Variants in TCEA2 observed in about 807,000 individuals in gnomAD.
TCEA2 encodes transcription elongation factor A protein 2.
A neutral mutation model predicts 40.8 loss-of-function variants in TCEA2; 21 were observed. The ratio of observed to expected loss-of-function variants is 0.51; its 90% CI spans 0.36 to 0.74. The LOEUF is 0.74. Ranked by LOEUF, TCEA2 falls within the 30% of genes least tolerant of loss-of-function variation. The pLI is 0.00. For synonymous variants in TCEA2, 165 were observed against 162.7 expected (o/e 1.01, Z -0.11); for missense variants, 326 against 426.5 (o/e 0.76, Z 2.08).
intron 4 of TCEA2, among the ~76,000 whole-genome samples, chr20:64,068,483 A>G (rs944314170): frequency 2.6e-5 from 4 of 152,254 alleles, no homozygotes; most frequent in Non-Finnish European, 5.9e-5. Flanking sequence ...AGCCTCACTC[A>G]ACGACGGTCC....
chr20:64,061,273 T>C (rs972691621), upstream of TCEA2, among the ~76,000 whole-genome samples: 18 of 148,690 alleles, frequency 1.2e-4, no homozygotes, highest in Admixed American at 7.4e-4. Flanking sequence ...GCTAATTTTT[T>C]TTTTGTTGTT....
intron 2 of TCEA2, 76 bp downstream of exon 2, chr20:64,066,614 G>A: frequency 6.5e-7 from 1 of 1,543,526 alleles, no homozygotes; most frequent in Non-Finnish European, 8.9e-7. Context: ...AGGGCACCTG[G>A]CAGGGCTTCC....
chr20:64,058,848 C>T (rs949485620), upstream of TCEA2, among the ~76,000 whole-genome samples: 1 of 152,136 alleles, frequency 6.6e-6, no homozygotes, highest in African/African-American at 2.4e-5. This position sits in a 1 kb window ranked among gnomAD's most constrained non-coding sequence, Gnocchi z 6.7. Context: ...TGGTTCATGG[C>T]CTCGTTCATA....
upstream of TCEA2, among the ~76,000 whole-genome samples, chr20:64,059,433 G>T (rs969277828): frequency 6.6e-6 from 1 of 152,020 alleles, no homozygotes; most frequent in South Asian, 2.1e-4. Flanking sequence ...GCTTGGTAAG[G>T]TTGTTGAGGC....
At chr20:64,068,470 C>A (rs912157016) in intron 4 of TCEA2, among the ~76,000 whole-genome samples, 1 of 152,258 alleles carries the variant, frequency 6.6e-6, no homozygotes, top group Non-Finnish European at 1.5e-5. Flanking sequence ...TGGCTTCCCC[C>A]TCAGCCTCAC....
chr20:64,061,611 A>G (rs961595755), upstream of TCEA2, among the ~76,000 whole-genome samples: 1 of 151,730 alleles, frequency 6.6e-6, no homozygotes, highest in South Asian at 2.1e-4. Context: ...GGGTTTCACC[A>G]TGTTGGCCAG....
At chr20:64,065,052 TGTGCA>T (rs2059656461) in intron 1 of TCEA2, among the ~76,000 whole-genome samples, 1 of 151,594 alleles carries the variant, frequency 6.6e-6, no homozygotes, top group African/African-American at 2.4e-5. Flanking sequence ...AGGCGGGCGC[TGTGCA>T]GTGGGGAGTG....
chr20:64,066,007 G>A (rs2059687020), intron 1 of TCEA2: 1 of 122,356 alleles, frequency 8.2e-6, no homozygotes, highest in Non-Finnish European at 1.7e-5. Flanking sequence ...GGGTGCTTTG[G>A]GGAGAGGCTG....
intron 1 of TCEA2, chr20:64,065,555 C>T (rs6122243): frequency 0.97 from 145,011 of 149,610 alleles, 70,400 homozygotes; most frequent in Non-Finnish European, 1. Flanking sequence ...GGGAGGGAGA[C>T]GTTGTGGGAG....
chr20:64,058,972 C>T (rs1178587246), upstream of TCEA2, among the ~76,000 whole-genome samples: 1 of 152,056 alleles, frequency 6.6e-6, no homozygotes, highest in Non-Finnish European at 1.5e-5. This position sits in a 1 kb window ranked among gnomAD's most constrained non-coding sequence, Gnocchi z 6.7. Context: ...GGGTGGATCA[C>T]CTGAGGTCAG....
Position 64,068,033 on chromosome 20 carries a change from G to A in TCEA2, c.242-14G>A, listed in dbSNP as rs762983188. On this transcript the variant is annotated splice_polypyrimidine_tract_variant and intron_variant, in intron 3 of 9. Transcript: ENST00000343484. ...GCCTCCCCTTGATCAGCCCATCCCC[G>A]ATCTTTCCTGCAGATGCTTCCGATG... 1.2e-5 allele frequency: 19 copies of A among 1,599,314 alleles called. 1 individual carries two copies. Among genetic ancestry groups the A allele is most frequent in the Middle Eastern group, 2.0e-4 (1 of 5,076 alleles).
chr20:64,068,135 G>A lies in TCEA2; in HGVS notation c.329+1G>A. Reference sequence around the variant, plus strand: ...ATGCCTCAGAGGCCCCGGATCCCAGGTAGCACACCTGGAAGGCAGGTGCAC... The same window carrying A: ...ATGCCTCAGAGGCCCCGGATCCCAGATAGCACACCTGGAAGGCAGGTGCAC... On this transcript the variant is annotated splice_donor_variant, in intron 4 of 9. Transcript: ENST00000343484. LOFTEE classifies it high-confidence loss of function. 1 of 1,607,316 alleles carries A rather than the reference G, an allele frequency of 6.2e-7. No individual in the cohort carries two copies. Among genetic ancestry groups the A allele is most frequent in the Non-Finnish European group, 8.5e-7 (1 of 1,177,360 alleles).
At chr20:64,056,681 C>T (rs1414984746), upstream of TCEA2, 1 of 152,116 alleles carries the variant, frequency 6.6e-6, no homozygotes, top group Non-Finnish European at 1.5e-5. Flanking sequence ...CCACTGGGGT[C>T]ATGGCCGGCT....
chr20:64,069,436 T>A lies in TCEA2; in HGVS notation c.405T>A (p.Cys135Ter). The A allele has an allele frequency of 1.2e-6, 2 of 1,613,426 alleles. No individual in the cohort carries two copies. The highest frequency in any genetic ancestry group is 1.7e-6 in the Non-Finnish European group (2 of 1,179,966). Residue 135 changes from cysteine (C) to a stop codon, truncating the protein, a stop_gained, in exon 5 of 10, where the codon TGT becomes TGA. Transcript: ENST00000343484. LOFTEE classifies it high-confidence loss of function. ...ITTFPPVPVT[C>*]DAVRNKCREM... is the part of the protein sequence containing the mutation. ...CATTTCCTCCGGTGCCTGTCACCTG[T>A]GATGCCGTGCGCAACAAGTGCCGCG...
intron 5 of TCEA2, 132 bp downstream of exon 5, chr20:64,069,623 G>T (rs1040397830): frequency 1.3e-6 from 2 of 1,523,986 alleles, no homozygotes; most frequent in Non-Finnish European, 1.8e-6. Flanking sequence ...GGCCCTGGCA[G>T]GGGCTAGGGG....
At chr20:64,062,664 G>A (rs2059589560), upstream of TCEA2, 1 of 152,362 alleles carries the variant, frequency 6.6e-6, no homozygotes, top group African/African-American at 2.4e-5. Flanking sequence ...TCCAGCTACC[G>A]CGCGCTCACA....
chr20:64,055,794 G>A (rs770791213), upstream of TCEA2, among the ~76,000 whole-genome samples: 9 of 152,240 alleles, frequency 5.9e-5, no homozygotes, highest in African/African-American at 9.6e-5. This position sits in a 1 kb window ranked among gnomAD's most constrained non-coding sequence, Gnocchi z 4.0. Context: ...CTTCTGCCGC[G>A]GCGGGAGCCT....
intron 8 of TCEA2, 112 bp from the exon 9 acceptor site, chr20:64,071,758 A>G (rs1257077835): frequency 6.2e-6 from 8 of 1,290,500 alleles, no homozygotes; most frequent in Non-Finnish European, 8.5e-6. Flanking sequence ...GCCTCGGATC[A>G]GGTCACCTGT....
chr20:64,065,429 A>T (rs2059668182), intron 1 of TCEA2: 1 of 152,150 alleles, frequency 6.6e-6, no homozygotes, highest in Admixed American at 6.5e-5. Flanking sequence ...ACACGTGGAA[A>T]CACATGCACG....
Sources: gnomAD v4.1 joint callset for allele counts (sites outside exome capture counted in the v4.1 genomes callset) on GRCh38, gnomAD v4.1.1 for gene constraint, Gnocchi (gnomAD v3.1) non-coding constraint, MANE v1.5 for transcripts, NCBI Gene and HGNC (gene_info 2026-07-23, HGNC 2026-07-21) for gene names.